The following FTO variants were observed in gnomAD, a reference collection of about 807,000 sequenced individuals.
The protein encoded by FTO is FTO alpha-ketoglutarate dependent dioxygenase, also known as alpha-ketoglutarate-dependent dioxygenase FTO.
Under a neutral mutation model 63.9 loss-of-function variants are expected in FTO, and 47 were observed. The ratio of observed to expected loss-of-function variants is 0.74; its 90% CI spans 0.58 to 0.94. The LOEUF (loss-of-function observed/expected upper bound fraction) is 0.94, where lower values mean the gene tolerates loss of function less well. Ranked by LOEUF, FTO falls within the 40% of genes least tolerant of loss-of-function variation. The pLI is 0.00. For synonymous variants in FTO, 207 were observed against 224.4 expected, an observed-to-expected ratio of 0.92 and a Z score of 0.69; for missense variants, 562 against 618.1, an observed-to-expected ratio of 0.91 and a Z score of 0.96.
At chr16:54,108,899 A>G (rs2086815599) in intron 8 of FTO, among the ~76,000 whole-genome samples, 1 of 152,142 alleles carries the variant, frequency 6.6e-6, no homozygotes, top group African/African-American at 2.4e-5. Flanking sequence ...CCTGCTTCCC[A>G]TCTTTGGAAA....
chr16:53,716,853 A>G (rs1033936976), intron 1 of FTO, among the ~76,000 whole-genome samples: 1 of 150,998 alleles, frequency 6.6e-6, no homozygotes, highest in South Asian at 2.1e-4. Flanking sequence ...GTTACTTTAT[A>G]TTAGTGTATT....
At chr16:53,831,310 G>A (rs74021303) in intron 3 of FTO, among the ~76,000 whole-genome samples, 10,450 of 152,022 alleles carry the variant, frequency 0.069, 551 homozygotes, top group East Asian at 0.26. Flanking sequence ...GCTATGCCTT[G>A]TCAGTGATTT....
intron 8 of FTO, chr16:54,063,572 T>G (rs1230202251): frequency 1.3e-5 from 2 of 152,166 alleles, no homozygotes; most frequent in African/African-American, 4.8e-5. Flanking sequence ...TGGGAAGTTA[T>G]GAAATAGATT....
At chr16:53,795,954 A>G (rs2078055415) in intron 1 of FTO, among the ~76,000 whole-genome samples, 4 of 152,186 alleles carry the variant, frequency 2.6e-5, no homozygotes, top group Non-Finnish European at 1.5e-5. Flanking sequence ...GTTACCATCC[A>G]TGGAATCTCA....
Position 53,704,237 on chromosome 16 carries a change from G to C in FTO, c.45+8G>C. The C allele has an allele frequency of 6.4e-7, 1 of 1,551,392 alleles. No individual in the cohort carries two copies. The highest frequency in any genetic ancestry group is 8.7e-7 in the Non-Finnish European group (1 of 1,146,742). On this transcript the variant is annotated splice_region_variant and intron_variant, in intron 1 of 8. Transcript: ENST00000471389. ...CGAGAGCGCGAAGCTAAGGTATGTC[G>C]GGCTCCCGGGGCCTGGAGATCTTCG... is the stretch of plus-strand genomic sequence containing the variant.
intron 7 of FTO, among the ~76,000 whole-genome samples, chr16:53,895,291 C>T (rs992949447): frequency 6.6e-6 from 1 of 151,964 alleles, no homozygotes; most frequent in African/African-American, 2.4e-5. Context: ...AGGAATTTTA[C>T]AAGAAAGTGT....
intron 6 of FTO, among the ~76,000 whole-genome samples, chr16:53,886,701 C>T (rs1347324109): frequency 6.6e-6 from 1 of 152,162 alleles, no homozygotes; most frequent in Non-Finnish European, 1.5e-5. Context: ...TTAATGTAAA[C>T]TAAAACCTTT....
chr16:53,822,235 C>T (rs1015939307), intron 2 of FTO, among the ~76,000 whole-genome samples: 1 of 152,160 alleles, frequency 6.6e-6, no homozygotes, highest in Non-Finnish European at 1.5e-5. Flanking sequence ...TAACTACCAC[C>T]CCTCCAAAAG....
intron 8 of FTO, among the ~76,000 whole-genome samples, chr16:53,988,838 G>A (rs1470169157): frequency 2.6e-5 from 4 of 152,152 alleles, no homozygotes; most frequent in Non-Finnish European, 5.9e-5. Flanking sequence ...AGTATTATAA[G>A]GGGTTTTGTT....
At chr16:53,998,618 T>C (rs1350350413) in intron 8 of FTO, 1 of 152,230 alleles carries the variant, frequency 6.6e-6, no homozygotes, top group East Asian at 1.9e-4. Flanking sequence ...GTATTAACTA[T>C]GTCACCAAGA....
chr16:54,062,731 G>T (rs2085613585), intron 8 of FTO, among the ~76,000 whole-genome samples: 1 of 152,090 alleles, frequency 6.6e-6, no homozygotes, highest in Non-Finnish European at 1.5e-5. Flanking sequence ...GGCACTCTGG[G>T]GACAGTTTTG....
intron 1 of FTO, among the ~76,000 whole-genome samples, chr16:53,722,212 C>T (rs373023554): frequency 1.3e-4 from 20 of 152,114 alleles, no homozygotes; most frequent in African/African-American, 2.4e-4. Flanking sequence ...TGTATGGTAC[C>T]GTATGTGGTT....
intron 8 of FTO, chr16:54,039,668 A>G (rs1036955892): frequency 2.0e-5 from 3 of 152,234 alleles, no homozygotes; most frequent in Non-Finnish European, 4.4e-5. Context: ...TTCTAACTCA[A>G]TCTGCTACAT....
At chr16:53,755,676 G>C (rs923493588) in intron 1 of FTO, among the ~76,000 whole-genome samples, 3 of 152,292 alleles carry the variant, frequency 2.0e-5, no homozygotes. Context: ...AATGCAGATT[G>C]CATTTCCCCA....
intron 8 of FTO, among the ~76,000 whole-genome samples, chr16:54,001,204 A>G (rs1354929158): frequency 6.6e-6 from 1 of 152,198 alleles, no homozygotes; most frequent in African/African-American, 2.4e-5. Context: ...TGCATTATAC[A>G]TATTTTTAAC....
intron 1 of FTO, among the ~76,000 whole-genome samples, chr16:53,781,490 A>T (rs1055326606): frequency 1.3e-5 from 2 of 152,218 alleles, no homozygotes; most frequent in Non-Finnish European, 2.9e-5. Flanking sequence ...TCAGTGGTGG[A>T]AGAAAAGTTA....
At chr16:53,972,273 G>A (rs566182533) in intron 8 of FTO, among the ~76,000 whole-genome samples, 1 of 152,198 alleles carries the variant, frequency 6.6e-6, no homozygotes, top group African/African-American at 2.4e-5. Flanking sequence ...GAAATTTCCA[G>A]TACTTGTATT....
chr16:53,865,576 T>G (rs562112091), intron 4 of FTO, among the ~76,000 whole-genome samples: 1 of 152,338 alleles, frequency 6.6e-6, no homozygotes, highest in East Asian at 1.9e-4. Context: ...TATTTTTTCC[T>G]GACTTGACTC....
At chr16:53,843,078 A>G (rs982517528) in intron 3 of FTO, among the ~76,000 whole-genome samples, 2 of 152,226 alleles carry the variant, frequency 1.3e-5, no homozygotes, top group Non-Finnish European at 2.9e-5. Flanking sequence ...TGGTGACTAC[A>G]TAGTATTTTA....
Sources: allele counts gnomAD v4.1 joint callset (sites outside exome capture counted in the v4.1 genomes callset), GRCh38; gene constraint gnomAD v4.1.1; transcripts MANE v1.5; gene names NCBI Gene and HGNC (gene_info 2026-07-23, HGNC 2026-07-21).